Variants in STXBP6 observed in about 807,000 individuals in gnomAD.
STXBP6 encodes syntaxin-binding protein 6.
In STXBP6, 21 loss-of-function variants were observed where a neutral mutation model predicts 26.9. The ratio of observed to expected loss-of-function variants is 0.78; its 90% CI spans 0.55 to 1.12. The LOEUF (loss-of-function observed/expected upper bound fraction) is 1.12. Ranked by LOEUF, STXBP6 falls within the 50% of genes most tolerant of loss-of-function variation. STXBP6 has a pLI of 0.00. For synonymous variants in STXBP6, 97 were observed against 92.6 expected (o/e 1.05, Z -0.27); for missense variants, 232 against 257.9 (o/e 0.90, Z 0.69).
In STXBP6 at chr14:25,048,341, A is replaced by C. The variant is rs1376689578; in HGVS notation, c.-33+1537T>G. Among the ~76,000 whole-genome samples the C allele has an allele frequency of 3.3e-5, 5 of 152,246 alleles. No homozygotes were observed. The East Asian group carries it at 9.6e-4, about 29-fold the overall frequency. On this transcript the variant is annotated intron_variant, in intron 1 of 5. Transcript: ENST00000323944. Reference sequence around the variant, plus strand: ...GGCCACGATTATCTCCGTTTGACAGAAGAGAAAACTTAAGTTCAGAGTGAC... The same window carrying C: ...GGCCACGATTATCTCCGTTTGACAGCAGAGAAAACTTAAGTTCAGAGTGAC...
chr14:24,850,165 G>C (rs1446572988), intron 4 of STXBP6, among the ~76,000 whole-genome samples: 1 of 152,042 alleles, frequency 6.6e-6, no homozygotes, highest in Non-Finnish European at 1.5e-5. Context: ...CCTCACCTAG[G>C]GATGACTTTG....
At chr14:24,815,540 G>A (rs1181137411) in intron 5 of STXBP6, 1 of 151,404 alleles carries the variant, frequency 6.6e-6, no homozygotes, top group Non-Finnish European at 1.5e-5. Flanking sequence ...ACCCAGACCT[G>A]AGCTCCTTAG....
At chr14:24,851,928 A>G (rs2069171194) in intron 4 of STXBP6, among the ~76,000 whole-genome samples, 1 of 152,160 alleles carries the variant, frequency 6.6e-6, no homozygotes, top group African/African-American at 2.4e-5. Flanking sequence ...AATACAATTT[A>G]AAAGCTGTTG....
At chr14:24,963,172 T>C (rs1344640429) in intron 2 of STXBP6, among the ~76,000 whole-genome samples, 1 of 152,100 alleles carries the variant, frequency 6.6e-6, no homozygotes, top group African/African-American at 2.4e-5. Flanking sequence ...TTCTCAAAAA[T>C]CACGGATCCA....
intron 2 of STXBP6, among the ~76,000 whole-genome samples, chr14:24,937,852 G>A (rs1229471419): frequency 6.6e-6 from 1 of 152,162 alleles, no homozygotes; most frequent in Non-Finnish European, 1.5e-5. Context: ...AATTACCTGT[G>A]TACATTCAGG....
intron 2 of STXBP6, among the ~76,000 whole-genome samples, chr14:24,913,821 T>C (rs1187801026): frequency 2.6e-5 from 4 of 152,114 alleles, no homozygotes; most frequent in African/African-American, 7.2e-5. Context: ...GAAGTGGAAA[T>C]GGAATAAAGT....
intron 4 of STXBP6, among the ~76,000 whole-genome samples, chr14:24,850,343 T>A (rs547325412): frequency 7.0e-4 from 107 of 152,196 alleles, no homozygotes; most frequent in Non-Finnish European, 1.2e-3. Flanking sequence ...GAGACATCTG[T>A]GTCCCTAGAA....
intron 2 of STXBP6, among the ~76,000 whole-genome samples, chr14:24,942,647 T>C (rs995138336): frequency 6.6e-6 from 1 of 152,240 alleles, no homozygotes; most frequent in Non-Finnish European, 1.5e-5. Context: ...TCAGCATTTA[T>C]TGAACACAAC....
intron 1 of STXBP6, among the ~76,000 whole-genome samples, chr14:25,027,781 A>T (rs181405557): frequency 1.8e-3 from 267 of 152,348 alleles, no homozygotes; most frequent in Non-Finnish European, 3.1e-3. Flanking sequence ...AATGCAAAAA[A>T]CTTCTTGAAG....
intron 2 of STXBP6, among the ~76,000 whole-genome samples, chr14:24,927,467 C>A (rs575480476): frequency 6.6e-6 from 1 of 152,194 alleles, no homozygotes; most frequent in Non-Finnish European, 1.5e-5. Context: ...AAAGGCAGAA[C>A]ATATTTGTGC....
chr14:24,944,091 CAAGAAG>C (rs2072897629), intron 2 of STXBP6, among the ~76,000 whole-genome samples: 1 of 152,206 alleles, frequency 6.6e-6, no homozygotes, highest in South Asian at 2.1e-4. Flanking sequence ...GCATCCTCCA[CAAGAAG>C]AGGCTCAGGC....
intron 1 of STXBP6, among the ~76,000 whole-genome samples, chr14:25,036,144 G>C (rs2075545949): frequency 6.7e-6 from 1 of 149,284 alleles, no homozygotes; most frequent in South Asian, 2.1e-4. Context: ...TTGAACCCGG[G>C]AGACGGAGGT....
At chr14:24,933,965 TC>T (rs2072511234) in intron 2 of STXBP6, among the ~76,000 whole-genome samples, 1 of 152,050 alleles carries the variant, frequency 6.6e-6, no homozygotes, top group Non-Finnish European at 1.5e-5. Flanking sequence ...TTAGTAACTA[TC>T]CAATTCCTAG....
chr14:24,883,854 T>C (rs980406191), intron 2 of STXBP6, among the ~76,000 whole-genome samples: 3 of 152,156 alleles, frequency 2.0e-5, no homozygotes, highest in Admixed American at 1.3e-4. Context: ...CAAAAAAGAA[T>C]GGTTTTTAAA....
chr14:24,982,916 C>G (rs2140245600), intron 1 of STXBP6, among the ~76,000 whole-genome samples: 1 of 152,304 alleles, frequency 6.6e-6, no homozygotes, highest in East Asian at 1.9e-4. Context: ...CCAACAAAAG[C>G]TACATAGGAT....
At chr14:24,845,828 G>T (rs149389067) in intron 4 of STXBP6, among the ~76,000 whole-genome samples, 73 of 152,278 alleles carry the variant, frequency 4.8e-4, no homozygotes, top group African/African-American at 1.6e-3. Flanking sequence ...GAAGGCAGGG[G>T]TGTCAGAGAC....
chr14:24,971,927 A>G (rs10134048), intron 2 of STXBP6, among the ~76,000 whole-genome samples: 42,635 of 152,156 alleles, frequency 0.28, 7,023 homozygotes, highest in African/African-American at 0.46. Flanking sequence ...GCACAGAAAA[A>G]TTCTTAATAA....
rs867480128 is a variant in STXBP6, at chr14:24,862,537, A to G, written c.155-5380T>C. 4.1e-4 allele frequency among the ~76,000 whole-genome samples: 63 copies of G among 152,174 alleles called. 1 individual carries two copies. The highest frequency in any genetic ancestry group is 1.5e-3 in the African/African-American group (62 of 41,452). ...TACTGAAAAGATAATCACAAAGGAA[A>G]AAGTTTTCCAGACAAAAGTTTCCTG... On this transcript the variant is annotated intron_variant, in intron 2 of 5. Coordinates refer to ENST00000323944, the MANE Select transcript of STXBP6 (RefSeq NM_001394410.1).
At chr14:25,018,296 A>G (rs1419307046) in intron 1 of STXBP6, among the ~76,000 whole-genome samples, 1 of 152,202 alleles carries the variant, frequency 6.6e-6, no homozygotes, top group Non-Finnish European at 1.5e-5. Flanking sequence ...AGGCCTAGGC[A>G]GCAATGCACT....
Sources: gnomAD v4.1 joint callset for allele counts (sites outside exome capture counted in the v4.1 genomes callset) on GRCh38, gnomAD v4.1.1 for gene constraint, MANE v1.5 for transcripts, NCBI Gene and HGNC (gene_info 2026-07-23, HGNC 2026-07-21) for gene names.